CYP4Z1: variants seen among roughly 807,000 people sequenced by gnomAD.
CYP4Z1 encodes cytochrome P450 family 4 subfamily Z member 1.
CYP4Z1 carries 41 observed loss-of-function variants against 54.2 expected under a neutral mutation model. The ratio of observed to expected loss-of-function variants is 0.76; its 90% CI spans 0.59 to 0.98. The LOEUF (loss-of-function observed/expected upper bound fraction) is 0.98, where lower values mean the gene tolerates loss of function less well. Ranked by LOEUF, CYP4Z1 falls within the 50% of genes least tolerant of loss-of-function variation. The pLI is 0.00. For synonymous variants in CYP4Z1, 163 were observed against 206.2 expected, an observed-to-expected ratio of 0.79 and a Z score of 1.79; for missense variants, 513 against 599.0, an observed-to-expected ratio of 0.86 and a Z score of 1.50.
Position 47,116,728 on chromosome 1 carries a change from T to C in CYP4Z1, c.1345T>C (p.Leu449=). 1 of 1,606,516 alleles carries C rather than the reference T, an allele frequency of 6.2e-7. No individual in the cohort carries two copies. Among genetic ancestry groups the C allele is most frequent in the Non-Finnish European group, 8.5e-7 (1 of 1,174,718 alleles). ...PYAFIPFSAG[L]RNCIGQHFAI... is the part of the protein sequence containing the mutation. The stretch of plus-strand genomic sequence containing the variant: ...TGCCTTCATACCATTCTCAGCTGGA[T>C]TAAGGTAAAGACTCAAGCTGGTGAA... Residue 449 remains leucine, a synonymous_variant, in exon 11 of 12, where the codon TTA becomes CTA. Coordinates refer to ENST00000334194, the MANE Select transcript of CYP4Z1 (RefSeq NM_178134.3).
At chr1:47,106,515 C>T (rs4926807) in intron 9 of CYP4Z1, among the ~76,000 whole-genome samples, 65,099 of 151,550 alleles carry the variant, frequency 0.43, 15,336 homozygotes, top group East Asian at 0.96. Flanking sequence ...TGAAGCATCA[C>T]GGCTTTAATG....
intron 6 of CYP4Z1, among the ~76,000 whole-genome samples, chr1:47,088,133 C>G (rs1244532554): frequency 6.6e-6 from 1 of 152,190 alleles, no homozygotes; most frequent in African/African-American, 2.4e-5. Flanking sequence ...CAATGTTCAT[C>G]AGGGATATTG....
chr1:47,097,453 T>G (rs867523898), intron 7 of CYP4Z1, among the ~76,000 whole-genome samples: 9 of 152,242 alleles, frequency 5.9e-5, no homozygotes, highest in African/African-American at 2.2e-4. Context: ...TTTTGGGTTT[T>G]ACATTTAAGT....
chr1:47,088,442 T>C (rs1406402499), intron 6 of CYP4Z1, among the ~76,000 whole-genome samples: 1 of 150,412 alleles, frequency 6.6e-6, no homozygotes, highest in Non-Finnish European at 1.5e-5. Flanking sequence ...ATGCGTCCAG[T>C]AATTTATCCA....
At chr1:47,065,915 A>C (rs1192532099), upstream of CYP4Z1, among the ~76,000 whole-genome samples, 1 of 152,148 alleles carries the variant, frequency 6.6e-6, no homozygotes, top group Non-Finnish European at 1.5e-5. Flanking sequence ...TATATGCATA[A>C]ACTAGAAAAC....
intron 7 of CYP4Z1, among the ~76,000 whole-genome samples, chr1:47,094,941 G>A (rs1179585310): frequency 6.6e-6 from 1 of 152,106 alleles, no homozygotes; most frequent in Non-Finnish European, 1.5e-5. Flanking sequence ...CCAGGAGGTG[G>A]TAGAGCATGA....
chr1:47,101,227 T>G (rs996780955), intron 8 of CYP4Z1, among the ~76,000 whole-genome samples: 5 of 152,188 alleles, frequency 3.3e-5, no homozygotes, highest in African/African-American at 1.2e-4. Context: ...CTTGCATTGT[T>G]CTTTTAACCT....
At chr1:47,096,031 C>T (rs1394994987) in intron 7 of CYP4Z1, among the ~76,000 whole-genome samples, 1 of 152,120 alleles carries the variant, frequency 6.6e-6, no homozygotes, top group African/African-American at 2.4e-5. Flanking sequence ...CACGACTCTT[C>T]CTAAACCAGG....
intron 4 of CYP4Z1, among the ~76,000 whole-genome samples, chr1:47,083,017 G>A (rs560505335): frequency 3.9e-5 from 6 of 152,318 alleles, no homozygotes; most frequent in Admixed American, 3.9e-4. Flanking sequence ...CTCCACACCT[G>A]TCCTCTTGGA....
intron 8 of CYP4Z1, among the ~76,000 whole-genome samples, chr1:47,105,611 C>T (rs746114177): frequency 6.6e-6 from 1 of 152,156 alleles, no homozygotes; most frequent in Non-Finnish European, 1.5e-5. Flanking sequence ...TGCTTTCCAT[C>T]ACTTCTCTGT....
At chr1:47,074,112 T>C (rs1467164217) in intron 2 of CYP4Z1, among the ~76,000 whole-genome samples, 1 of 152,240 alleles carries the variant, frequency 6.6e-6, no homozygotes, top group Non-Finnish European at 1.5e-5. Flanking sequence ...TTTTTTTGGG[T>C]GAAAGAAGCC....
intron 1 of CYP4Z1, among the ~76,000 whole-genome samples, chr1:47,067,943 C>T (rs1307776694): frequency 4.6e-5 from 7 of 152,210 alleles, no homozygotes; most frequent in South Asian, 2.1e-4. Flanking sequence ...TCTTCTGATT[C>T]AAGGCCAAGG....
At chr1:47,062,516 T>C (rs984636922), upstream of CYP4Z1, among the ~76,000 whole-genome samples, 20 of 152,196 alleles carry the variant, frequency 1.3e-4, no homozygotes, top group African/African-American at 4.8e-4. Flanking sequence ...GGAGTGAGAC[T>C]GGCCTTTAGG....
rs750074326 is a variant in CYP4Z1 at position 47,099,086 on chromosome 1, T to G, written c.877-8T>G. The G allele has an allele frequency of 6.2e-7, 1 of 1,614,024 alleles. No homozygotes were observed. The highest frequency in any genetic ancestry group is 2.2e-5 in the East Asian group (1 of 44,872). On this transcript the variant is annotated splice_polypyrimidine_tract_variant and splice_region_variant and intron_variant, in intron 7 of 11. Transcript: ENST00000334194. ...GCTTTGGATAAAGATCATCACTGTA[T>G]TTTTTAGAGCGAAAACACCAAAGAT... is the stretch of plus-strand genomic sequence containing the variant.
At chr1:47,114,481 A>G (rs147740399) in intron 9 of CYP4Z1, among the ~76,000 whole-genome samples, 1,620 of 152,338 alleles carry the variant, frequency 0.011, 36 homozygotes, top group African/African-American at 0.037. Flanking sequence ...TGCACAGCAA[A>G]AGAAATTACC....
intron 6 of CYP4Z1, among the ~76,000 whole-genome samples, chr1:47,090,788 A>G (rs1200270873): frequency 1.6e-5 from 2 of 124,928 alleles, no homozygotes; most frequent in Non-Finnish European, 3.2e-5. Flanking sequence ...TGATGTATCC[A>G]GGAGTTGATT....
chr1:47,111,401 T>C (rs1644791355), intron 9 of CYP4Z1, among the ~76,000 whole-genome samples: 1 of 152,154 alleles, frequency 6.6e-6, no homozygotes, highest in East Asian at 1.9e-4. Flanking sequence ...GCCACGATGG[T>C]CTCAGTCTCC....
intron 1 of CYP4Z1, 36 bp from the exon 2 acceptor site, chr1:47,068,586 A>T: frequency 6.2e-7 from 1 of 1,609,894 alleles, no homozygotes; most frequent in Non-Finnish European, 8.5e-7. Flanking sequence ...TGGGGTGACA[A>T]CCTTTACTAA....
At chr1:47,114,823 T>C (rs1326850113) in intron 9 of CYP4Z1, among the ~76,000 whole-genome samples, 4 of 152,230 alleles carry the variant, frequency 2.6e-5, no homozygotes, top group East Asian at 1.9e-4. Flanking sequence ...TGTGGAGAAA[T>C]AGGGACACTT....
Sources: allele counts gnomAD v4.1 joint callset (sites outside exome capture counted in the v4.1 genomes callset), GRCh38; gene constraint gnomAD v4.1.1; transcripts MANE v1.5; gene names NCBI Gene and HGNC (gene_info 2026-07-23, HGNC 2026-07-21).